CCDC80: variants seen among roughly 807,000 people sequenced by gnomAD.
CCDC80 encodes coiled-coil domain-containing protein 80.
Under a neutral mutation model 78.7 loss-of-function variants are expected in CCDC80, and 49 were observed. The ratio of observed to expected loss-of-function variants is 0.62; its 90% CI spans 0.50 to 0.79. The LOEUF (loss-of-function observed/expected upper bound fraction) is 0.79, where lower values mean the gene tolerates loss of function less well. CCDC80 is among the 30% of genes least tolerant of loss of function. CCDC80 has a pLI of 0.00. For synonymous variants in CCDC80, 488 were observed against 447.0 expected (o/e 1.09, Z -1.16); for missense variants, 1,205 against 1,198.6 (o/e 1.01, Z -0.08).
At chr3:112,611,996 C>T (rs1348041819) in intron 5 of CCDC80, among the ~76,000 whole-genome samples, 1 of 150,626 alleles carries the variant, frequency 6.6e-6, no homozygotes, top group African/African-American at 2.4e-5. Context: ...TGCCGCAAGG[C>T]TCGCCAAGTA....
At chr3:112,634,961 T>C (rs879504216) in intron 2 of CCDC80, among the ~76,000 whole-genome samples, 8 of 152,156 alleles carry the variant, frequency 5.3e-5, no homozygotes, top group Non-Finnish European at 8.8e-5. Context: ...GGGATTGTTT[T>C]GAGAATTAAA....
chr3:112,613,513 A>G (rs1479848521), intron 5 of CCDC80, among the ~76,000 whole-genome samples: 1 of 152,172 alleles, frequency 6.6e-6, no homozygotes, highest in Non-Finnish European at 1.5e-5. Context: ...AAAATACAAA[A>G]TTTAAGTAAC....
rs1270093176 is a variant in CCDC80, at chr3:112,629,280, GT to G, written c.2035+832del. Among the ~76,000 whole-genome samples the G allele has an allele frequency of 3.0e-3, 428 of 143,874 alleles. 1 individual carries two copies. The highest frequency in any genetic ancestry group is 0.018 in the Middle Eastern group (5 of 284). 94.4% of individuals were successfully genotyped at this position (143,874 alleles called of 152,430 possible). ...ATGGAATATAAAGGATTACTCTAAGGTTTTTTTTTTTTGTAGTTAAACCATG... is the reference window on the plus strand; with the variant it reads ...ATGGAATATAAAGGATTACTCTAAGGTTTTTTTTTTTGTAGTTAAACCATG... On this transcript the variant is annotated intron_variant, in intron 3 of 7. Transcript: ENST00000206423.
chr3:112,633,809 T>C (rs934763313), intron 2 of CCDC80, among the ~76,000 whole-genome samples: 10 of 152,212 alleles, frequency 6.6e-5, no homozygotes, highest in African/African-American at 2.4e-4. Context: ...TTGGGCTGTA[T>C]TTCAGACAGT....
chr3:112,605,523 T>C lies in CCDC80; in HGVS notation c.2747A>G (p.Asp916Gly). The change falls in exon 8 of 8, where the codon GAT becomes GGT. Residue 916 changes from aspartate to glycine, a missense_variant. By Grantham distance (94) the Asp-to-Gly change is moderately conservative. Transcript: ENST00000206423. ...QQSLGMRCPEDEYAGYGYHSY... is the reference protein window; with the variant it reads ...QQSLGMRCPEGEYAGYGYHSY... ...ATGGTAACCATAGCCTGCATACTCA[T>C]CTTCTGGGCAGCGCATCCCCAGTGA... The C allele has an allele frequency of 6.2e-7, 1 of 1,614,206 alleles. No individual in the cohort carries two copies.
intron 2 of CCDC80, among the ~76,000 whole-genome samples, chr3:112,634,205 C>A (rs928648604): frequency 6.6e-6 from 1 of 152,018 alleles, no homozygotes; most frequent in African/African-American, 2.4e-5. Context: ...CAGCAGGAAA[C>A]CTTAAATTCT....
intron 2 of CCDC80, among the ~76,000 whole-genome samples, chr3:112,636,276 T>C (rs867219695): frequency 9.2e-5 from 14 of 152,318 alleles, no homozygotes; most frequent in Middle Eastern, 3.4e-3. Context: ...TGAAATCTGA[T>C]TTCTTTTTTG....
chr3:112,625,997 A>G (rs1364520321), intron 3 of CCDC80, among the ~76,000 whole-genome samples: 1 of 152,230 alleles, frequency 6.6e-6, no homozygotes, highest in African/African-American at 2.4e-5. Flanking sequence ...GATATTTTCA[A>G]TACCTTATCT....
chr3:112,639,717 T>C lies in CCDC80; in HGVS notation c.189A>G (p.Arg63=). The C allele has an allele frequency of 6.2e-7, 1 of 1,614,088 alleles. No homozygotes were observed. The highest frequency in any genetic ancestry group is 8.5e-7 in the Non-Finnish European group (1 of 1,180,002). ...GAAGGTTTGGTTCCTCCAGAGTGGA[T>C]CTCTCAATTCCGCGAGACCTCCCAG... The part of the protein sequence containing the change: ...RHTGRSRGIE[R]STLEEPNLQP... Residue 63 remains arginine, a synonymous_variant, in exon 2 of 8, where the codon AGA becomes AGG. Coordinates refer to ENST00000206423, the MANE Select transcript of CCDC80 (RefSeq NM_199511.3).
intron 4 of CCDC80, 22 bp from the exon 5 acceptor site, chr3:112,616,880 G>A: frequency 1.9e-6 from 3 of 1,610,116 alleles, no homozygotes; most frequent in Non-Finnish European, 2.5e-6. Flanking sequence ...AAAACAGAAT[G>A]CATTTAATGT....
chr3:112,633,404 T>A (rs1297113438), intron 2 of CCDC80, among the ~76,000 whole-genome samples: 2 of 152,168 alleles, frequency 1.3e-5, no homozygotes, highest in African/African-American at 2.4e-5. Flanking sequence ...CTCCTTTTAA[T>A]TACTGTTCTT....
intron 3 of CCDC80, among the ~76,000 whole-genome samples, chr3:112,621,096 T>C (rs993493036): frequency 1.3e-5 from 2 of 152,170 alleles, no homozygotes; most frequent in African/African-American, 4.8e-5. Flanking sequence ...CCCCCCTCCC[T>C]ATAGCTATAC....
intron 6 of CCDC80, among the ~76,000 whole-genome samples, chr3:112,609,099 C>A (rs1328261387): frequency 1.0e-4 from 15 of 150,152 alleles, no homozygotes; most frequent in Non-Finnish European, 1.5e-5. Context: ...CTGCCCCTGC[C>A]CCTGCCCAGT....
At chr3:112,610,915 C>CTTTTTTTTT (rs11379147) in intron 5 of CCDC80, among the ~76,000 whole-genome samples, 8 of 123,284 alleles carry the variant, frequency 6.5e-5, no homozygotes, top group Admixed American at 8.7e-5. Flanking sequence ...TTCTTTCTTT[C>CTTTTTTTTT]TTTTTTTTTT....
In CCDC80 at chr3:112,640,356, G is replaced by A. The variant is rs77923074; in HGVS notation, c.-41C>T. The stretch of plus-strand genomic sequence containing the variant: ...TGGCTCATAGAGATGGAATGCAGAG[G>A]GTTGCAAAAGAAATCAGAAGTTTGG... On this transcript the variant is annotated 5_prime_UTR_variant, in exon 1 of 8. Coordinates refer to ENST00000206423, the MANE Select transcript of CCDC80 (RefSeq NM_199511.3). 0.011 allele frequency: 1,778 copies of A among 161,042 alleles called. 7 individuals are homozygous for A. Among genetic ancestry groups the A allele is most frequent in the Middle Eastern group, 0.017 (5 of 302 alleles). The allele number at this position is 161,042 out of a possible 1,614,324, so 10.0% of individuals were successfully genotyped here. A position where few individuals can be genotyped will look rare whatever the true frequency, so the allele number is the denominator to read the frequency against.
In CCDC80 at chr3:112,639,883, C is replaced by T. The variant is rs1936308466; in HGVS notation, c.23G>A (p.Arg8His). 4 of 1,614,014 alleles carry T rather than the reference C, an allele frequency of 2.5e-6. No homozygotes were observed. Among genetic ancestry groups the T allele is most frequent in the Non-Finnish European group, 3.4e-6 (4 of 1,179,948 alleles). MTWRMGPRFTMLLAMWLV... is the reference protein window; with the variant it reads MTWRMGPHFTMLLAMWLV... ...CCACATGGCCAACAGCATAGTGAAA[C>T]GGGGTCCCATTCTCCATGTCATTGT... Residue 8 changes from arginine to histidine, a missense_variant, in exon 2 of 8, where the codon CGT becomes CAT. Coordinates refer to ENST00000206423, the MANE Select transcript of CCDC80 (RefSeq NM_199511.3).
At position 112,639,596 on chromosome 3, in the gene CCDC80, G is replaced by A; in HGVS notation, c.310C>T (p.Pro104Ser). The A allele has an allele frequency of 6.2e-7, 1 of 1,614,160 alleles. No homozygotes were observed. ...CCCCTGGCTGCTGGTCTTTGCTCAG[G>A]TCTCACGGCGGCCCCATTGATGTCC... ...RSDINGAAVR[P>S]EQRPAARGSP... The change falls in exon 2 of 8, where the codon CCT becomes TCT. Residue 104 changes from proline to serine, a missense_variant. Coordinates refer to ENST00000206423, the MANE Select transcript of CCDC80 (RefSeq NM_199511.3).
chr3:112,639,053 C>T lies in CCDC80; in HGVS notation c.853G>A (p.Gly285Ser), dbSNP rs1309607778. The T allele has an allele frequency of 4.3e-6, 7 of 1,612,474 alleles. No individual in the cohort carries two copies. Among genetic ancestry groups the T allele is most frequent in the East Asian group, 4.5e-5 (2 of 44,870 alleles). The change falls in exon 2 of 8, where the codon GGT becomes AGT. Residue 285 changes from glycine (G) to serine (S), a missense_variant. Transcript: ENST00000206423. ...TCCGCCACCACCTGGCCCTCTACACCAGAGGCCTTACATTTCTGGACAAAG... is the reference window on the plus strand; with the variant it reads ...TCCGCCACCACCTGGCCCTCTACACTAGAGGCCTTACATTTCTGGACAAAG... ...KGFVQKCKAS[G>S]VEGQVVAEGN... is the part of the protein sequence containing the mutation.
chr3:112,628,735 A>G (rs1936031224), intron 3 of CCDC80, among the ~76,000 whole-genome samples: 1 of 152,164 alleles, frequency 6.6e-6, no homozygotes. Flanking sequence ...TAAATTATAC[A>G]CACAGTGCAG....
Sources: gnomAD v4.1 joint callset for allele counts (sites outside exome capture counted in the v4.1 genomes callset) on GRCh38, gnomAD v4.1.1 for gene constraint, MANE v1.5 for transcripts, NCBI Gene and HGNC (gene_info 2026-07-23, HGNC 2026-07-21) for gene names.